The following QSOX1 variants were observed in gnomAD, a reference collection of about 807,000 sequenced individuals.
QSOX1 encodes quiescin sulfhydryl oxidase 1.
QSOX1 carries 40 observed loss-of-function variants against 76.1 expected under a neutral mutation model. The observed-to-expected ratio is 0.53, with a 90% CI of 0.41 to 0.68. The LOEUF (loss-of-function observed/expected upper bound fraction) is 0.68, where lower values mean the gene tolerates loss of function less well. Ranked by LOEUF, QSOX1 falls within the 30% of genes least tolerant of loss-of-function variation. The probability of loss-of-function intolerance (pLI) is 0.00; values close to 1 mark genes in which losing one functional copy is unlikely to be tolerated. For synonymous variants in QSOX1, 392 were observed against 413.1 expected, an observed-to-expected ratio of 0.95 and a Z score of 0.62; for missense variants, 931 against 974.3, an observed-to-expected ratio of 0.96 and a Z score of 0.59.
In QSOX1 at chr1:180,184,006, C is replaced by T; in HGVS notation, c.843C>T (p.Thr281=). 6.2e-7 allele frequency: 1 copy of T among 1,614,212 alleles called. No individual in the cohort carries two copies. Among genetic ancestry groups the T allele is most frequent in the Non-Finnish European group, 8.5e-7 (1 of 1,180,030 alleles). Residue 281 remains threonine, a synonymous_variant, in exon 7 of 12, where the codon ACC becomes ACT. Coordinates refer to ENST00000367602, the MANE Select transcript of QSOX1 (RefSeq NM_002826.5). ...CTGCCCAGACCACAGTTGCACCAAC[C>T]ACTGCTAACAAGATAGCTCCCACTG... ...REAAQTTVAP[T]TANKIAPTVW... is the part of the protein sequence containing the mutation.
intron 5 of QSOX1, among the ~76,000 whole-genome samples, chr1:180,181,779 G>A (rs996531794): frequency 6.6e-6 from 1 of 152,184 alleles, no homozygotes; most frequent in African/African-American, 2.4e-5. Flanking sequence ...CAGTCTTGGG[G>A]TGTGAAGGTC....
chr1:180,181,326 G>T (rs1178285443), intron 5 of QSOX1, among the ~76,000 whole-genome samples: 2 of 152,172 alleles, frequency 1.3e-5, no homozygotes, highest in Non-Finnish European at 2.9e-5. Flanking sequence ...ATTTGCAGAT[G>T]GCCTGTCCGA....
chr1:180,164,300 T>TG (rs1432177981), intron 1 of QSOX1, among the ~76,000 whole-genome samples: 1 of 152,250 alleles, frequency 6.6e-6, no homozygotes, highest in Non-Finnish European at 1.5e-5. Context: ...AAGTGTGTGG[T>TG]GGGGGGGTGT....
intron 1 of QSOX1, among the ~76,000 whole-genome samples, chr1:180,157,435 C>T (rs147331007): frequency 5.8e-4 from 89 of 152,332 alleles, no homozygotes; most frequent in African/African-American, 1.8e-3. Context: ...GTTGTGGGCC[C>T]GCAGAGGGCT....
chr1:180,180,625 C>T (rs1399425165), intron 5 of QSOX1, among the ~76,000 whole-genome samples: 1 of 152,264 alleles, frequency 6.6e-6, no homozygotes, highest in Admixed American at 6.5e-5. Flanking sequence ...TGCCATTCTC[C>T]TGCCTCAGCC....
Position 180,165,358 on chromosome 1 carries a change from A to C in QSOX1, c.266-1133A>C, listed in dbSNP as rs556681023. On this transcript the variant is annotated intron_variant, in intron 1 of 11. Transcript: ENST00000367602. ...AGAGACGCATGTGGGTCCAGCTGCC[A>C]TGGACGTCATCCTGAGCTGTCCAGG... 2.6e-5 allele frequency among the ~76,000 whole-genome samples: 4 copies of C among 152,262 alleles called. No individual in the cohort carries two copies. The East Asian group carries it at 7.7e-4, about 29-fold the overall frequency.
intron 10 of QSOX1, among the ~76,000 whole-genome samples, 177 bp downstream of exon 10, chr1:180,190,757 C>T (rs181873409): frequency 5.0e-4 from 76 of 152,302 alleles, no homozygotes; most frequent in African/African-American, 1.8e-3. Context: ...GGTAGCCCCA[C>T]ACGGCCAGAA....
In QSOX1 at chr1:180,196,717, T is replaced by C. The variant is rs1663500404; in HGVS notation, c.1924T>C (p.Leu642=). The C allele has an allele frequency of 6.2e-7, 1 of 1,614,132 alleles. No homozygotes were observed. Among genetic ancestry groups the C allele is most frequent in the Admixed American group, 1.7e-5 (1 of 60,032 alleles). Residue 642 remains leucine (L), a synonymous_variant, in exon 12 of 12, where the codon TTG becomes CTG. Coordinates refer to ENST00000367602, the MANE Select transcript of QSOX1 (RefSeq NM_002826.5). This position sits in a 1 kb window ranked among gnomAD's most constrained non-coding sequence, Gnocchi z 4.1. ...EQEQPLGQWH[L]SKRDTGAALL... ...GGAGCAGCCGCTTGGGCAGTGGCAC[T>C]TGAGCAAGCGAGACACAGGGGCTGC...
Position 180,184,057 on chromosome 1 carries a change from C to G in QSOX1, c.887+7C>G, listed in dbSNP as rs1201376554. On this transcript the variant is annotated splice_region_variant and intron_variant, in intron 7 of 11. Transcript: ENST00000367602. ...TTTGGAAATTGGCAGATCGGTAAGG[C>G]TACGCCTGGTTCTCCTCACTTCTTC... is the stretch of plus-strand genomic sequence containing the variant. 6.2e-7 allele frequency: 1 copy of G among 1,613,866 alleles called. No individual in the cohort carries two copies. Among genetic ancestry groups the G allele is most frequent in the African/African-American group, 1.3e-5 (1 of 74,936 alleles).
At chr1:180,180,950 A>G (rs183630764) in intron 5 of QSOX1, among the ~76,000 whole-genome samples, 32 of 152,236 alleles carry the variant, frequency 2.1e-4, no homozygotes, top group African/African-American at 7.2e-4. Flanking sequence ...TATTGTTGTT[A>G]TTATTATTTT....
At chr1:180,168,381 T>TC (rs1232603016) in intron 2 of QSOX1, among the ~76,000 whole-genome samples, 2 of 148,146 alleles carry the variant, frequency 1.4e-5, no homozygotes, top group East Asian at 5.3e-4. Flanking sequence ...CACGGTGGCC[T>TC]CCCCCGGCAA....
At chr1:180,183,659 A>G (rs1218207630) in intron 6 of QSOX1, among the ~76,000 whole-genome samples, 1 of 152,158 alleles carries the variant, frequency 6.6e-6, no homozygotes. Context: ...TCTTGGGCCC[A>G]ATTGCCTTAC....
intron 2 of QSOX1, among the ~76,000 whole-genome samples, chr1:180,173,537 GAGAGTAA>G (rs1662810332): frequency 6.6e-6 from 1 of 152,222 alleles, no homozygotes; most frequent in Non-Finnish European, 1.5e-5. Context: ...TTTGAAAAGA[GAGAGTAA>G]AGCAGTGAGC....
chr1:180,180,613 C>A (rs1663006905), intron 5 of QSOX1, among the ~76,000 whole-genome samples: 1 of 152,256 alleles, frequency 6.6e-6, no homozygotes, highest in Admixed American at 6.5e-5. Flanking sequence ...CTGTCAGGTT[C>A]ATGCCATTCT....
chr1:180,196,502 A>T lies in QSOX1; in HGVS notation c.1709A>T (p.Glu570Val), dbSNP rs377194304. The part of the protein sequence containing the change: ...AAPELAMGAL[E>V]LESRNSTLDP... The stretch of plus-strand genomic sequence containing the variant: ...CCAGAGCTGGCGATGGGAGCCCTGG[A>T]GCTGGAAAGCCGGAATTCAACTCTG... Residue 570 changes from glutamate to valine, a missense_variant, in exon 12 of 12, where the codon GAG becomes GTG. Glu to Val is a moderately radical substitution (Grantham distance 121, BLOSUM62 -2). Coordinates refer to ENST00000367602, the MANE Select transcript of QSOX1 (RefSeq NM_002826.5). The surrounding 1 kb of genome is among the most constrained non-coding windows in gnomAD (Gnocchi z 4.1). 1.2e-5 allele frequency: 19 copies of T among 1,613,890 alleles called. No individual in the cohort carries two copies. Among genetic ancestry groups the T allele is most frequent in the Non-Finnish European group, 1.6e-5 (19 of 1,179,950 alleles).
chr1:180,155,397 C>T (rs1429837893), intron 1 of QSOX1, among the ~76,000 whole-genome samples: 1 of 152,154 alleles, frequency 6.6e-6, no homozygotes, highest in Non-Finnish European at 1.5e-5. Flanking sequence ...GCTTCTTTCC[C>T]TCTCCGCGGC....
chr1:180,160,812 C>T (rs1301100961), intron 1 of QSOX1, among the ~76,000 whole-genome samples: 4 of 152,168 alleles, frequency 2.6e-5, no homozygotes, highest in Non-Finnish European at 5.9e-5. Flanking sequence ...AGGCATGAGA[C>T]TTGTCCCTTG....
At position 180,183,768 on chromosome 1, in the gene QSOX1, C is replaced by T; in HGVS notation, c.753-148C>T. The stretch of plus-strand genomic sequence containing the variant: ...CGAGGCCTGGGTGCCGTCTTCTGGC[C>T]TCACAGAGGACAAGATGGAATCTCG... On this transcript the variant is annotated intron_variant, in intron 6 of 11. Coordinates refer to ENST00000367602, the MANE Select transcript of QSOX1 (RefSeq NM_002826.5). 3 of 945,708 alleles carry T rather than the reference C, an allele frequency of 3.2e-6. No individual in the cohort carries two copies. In the South Asian group the frequency reaches 4.9e-5, roughly 16 times the overall value. 58.6% of individuals were successfully genotyped at this position (945,708 alleles called of 1,614,324 possible). A position where few individuals can be genotyped will look rare whatever the true frequency, so the allele number is the denominator to read the frequency against.
At position 180,199,431 on chromosome 1, in the gene QSOX1, T is replaced by C. The variant is rs1236119879; in HGVS notation, c.*2394T>C. On this transcript the variant is annotated 3_prime_UTR_variant, in exon 12 of 12. Coordinates refer to ENST00000367602, the MANE Select transcript of QSOX1 (RefSeq NM_002826.5). Reference sequence around the variant, plus strand: ...AGAATCTCGCCTCTGTCTGGTGTGTTACCTACTGGGGGCACAGGAACAATT... The same window carrying C: ...AGAATCTCGCCTCTGTCTGGTGTGTCACCTACTGGGGGCACAGGAACAATT... 6.6e-6 allele frequency: 1 copy of C among 152,104 alleles called. No individual in the cohort carries two copies. Among genetic ancestry groups the C allele is most frequent in the Non-Finnish European group, 1.5e-5 (1 of 68,050 alleles). The allele number at this position is 152,104 out of a possible 1,614,324, so 9.4% of individuals were successfully genotyped here. A position where few individuals can be genotyped will look rare whatever the true frequency, so the allele number is the denominator to read the frequency against.
Sources: allele counts gnomAD v4.1 joint callset (sites outside exome capture counted in the v4.1 genomes callset), GRCh38; gene constraint gnomAD v4.1.1; non-coding constraint Gnocchi (gnomAD v3.1); transcripts MANE v1.5; gene names NCBI Gene and HGNC (gene_info 2026-07-23, HGNC 2026-07-21).